Variants in FBXL17 observed in about 807,000 individuals in gnomAD.
FBXL17 encodes F-box and leucine rich repeat protein 17.
In FBXL17, 22 loss-of-function variants were observed where a neutral mutation model predicts 66.2. That is an observed-to-expected ratio of 0.33 (90% confidence interval 0.24 to 0.47). The LOEUF (loss-of-function observed/expected upper bound fraction) is 0.47, where lower values mean the gene tolerates loss of function less well. Ranked by LOEUF, FBXL17 falls within the 20% of genes least tolerant of loss-of-function variation. FBXL17 has a pLI of 1.00. For synonymous variants in FBXL17, 474 were observed against 400.5 expected, an observed-to-expected ratio of 1.18 and a Z score of -2.19; for missense variants, 878 against 948.2, an observed-to-expected ratio of 0.93 and a Z score of 0.97.
intron 1 of FBXL17, among the ~76,000 whole-genome samples, chr5:108,380,345 T>C (rs1050703585): frequency 2.6e-5 from 4 of 152,308 alleles, no homozygotes; most frequent in Middle Eastern, 3.4e-3. Context: ...AACACCAACA[T>C]GCAAAGCCTT....
At chr5:107,994,494 T>C (rs1408278814) in intron 7 of FBXL17, among the ~76,000 whole-genome samples, 1 of 152,104 alleles carries the variant, frequency 6.6e-6, no homozygotes, top group Non-Finnish European at 1.5e-5. Context: ...GAAGATAGCA[T>C]TAAAACTGCA....
intron 7 of FBXL17, among the ~76,000 whole-genome samples, chr5:107,999,412 C>T (rs905416022): frequency 1.9e-4 from 29 of 149,502 alleles, no homozygotes; most frequent in African/African-American, 6.4e-4. Context: ...GTGTGGGATG[C>T]TTTTTTGAAA....
chr5:107,936,430 TA>T (rs1458074803), intron 7 of FBXL17, among the ~76,000 whole-genome samples: 1 of 152,024 alleles, frequency 6.6e-6, no homozygotes, highest in Non-Finnish European at 1.5e-5. Context: ...ATTTACTATT[TA>T]TTTTTTTAAA....
At chr5:108,359,641 C>T (rs995202448) in intron 3 of FBXL17, among the ~76,000 whole-genome samples, 1 of 151,972 alleles carries the variant, frequency 6.6e-6, no homozygotes, top group African/African-American at 2.4e-5. Context: ...AGATTCATTC[C>T]ATTATGGTTA....
At chr5:108,213,321 T>A (rs1244129044) in intron 5 of FBXL17, among the ~76,000 whole-genome samples, 1 of 152,166 alleles carries the variant, frequency 6.6e-6, no homozygotes, top group Non-Finnish European at 1.5e-5. Context: ...TTGCTGGTGT[T>A]CCAGGCCCCA....
At chr5:108,363,321 G>A (rs1748459343) in intron 3 of FBXL17, among the ~76,000 whole-genome samples, 1 of 151,886 alleles carries the variant, frequency 6.6e-6, no homozygotes, top group Non-Finnish European at 1.5e-5. Flanking sequence ...TTCCATCAGA[G>A]GAAAGAGTCT....
At chr5:108,092,737 T>G (rs1331653210) in intron 6 of FBXL17, among the ~76,000 whole-genome samples, 1 of 152,192 alleles carries the variant, frequency 6.6e-6, no homozygotes. Context: ...GCAGCCTTTT[T>G]CAATTACACA....
At chr5:108,282,437 G>A (rs1757737296) in intron 4 of FBXL17, among the ~76,000 whole-genome samples, 1 of 151,822 alleles carries the variant, frequency 6.6e-6, no homozygotes, top group African/African-American at 2.4e-5. Context: ...CTCATTAGAT[G>A]CAGAAAAAGC....
intron 4 of FBXL17, among the ~76,000 whole-genome samples, chr5:108,319,927 G>A (rs934524012): frequency 7.2e-5 from 11 of 151,732 alleles, no homozygotes; most frequent in African/African-American, 2.7e-4. Flanking sequence ...CTGTTTACTA[G>A]GGTCCCGAAA....
intron 3 of FBXL17, among the ~76,000 whole-genome samples, chr5:108,362,318 C>T (rs958667195): frequency 5.9e-5 from 9 of 152,110 alleles, no homozygotes; most frequent in South Asian, 4.1e-4. Context: ...TGTTAAACTG[C>T]TAAAACTGCA....
intron 6 of FBXL17, among the ~76,000 whole-genome samples, chr5:108,174,852 C>T (rs1346037384): frequency 2.0e-5 from 3 of 150,718 alleles, no homozygotes; most frequent in Non-Finnish European, 4.4e-5. Flanking sequence ...CTCACTTCTT[C>T]ACTCAAAGTA....
chr5:108,093,094 T>TC (rs887981239), intron 6 of FBXL17, among the ~76,000 whole-genome samples: 2 of 151,792 alleles, frequency 1.3e-5, no homozygotes, highest in African/African-American at 2.4e-5. Flanking sequence ...ACTCTATCCC[T>TC]CCCCCCATAC....
chr5:108,239,763 C>T (rs2150098490), intron 4 of FBXL17, among the ~76,000 whole-genome samples: 1 of 152,120 alleles, frequency 6.6e-6, no homozygotes, highest in East Asian at 2.0e-4. Context: ...ACCCCTTCCT[C>T]ACCCCTAGGC....
rs778814643 is a variant in FBXL17 at position 107,861,874 on chromosome 5, A to G, written c.1966-14T>C. 3.4e-5 allele frequency: 51 copies of G among 1,505,948 alleles called. 1 individual carries two copies. The South Asian group carries it at 6.8e-4, about 20-fold the overall frequency. The allele number at this position is 1,505,948 out of a possible 1,614,324, so 93.3% of individuals were successfully genotyped here. On this transcript the variant is annotated splice_polypyrimidine_tract_variant and intron_variant, in intron 8 of 8. Coordinates refer to ENST00000542267, the MANE Select transcript of FBXL17 (RefSeq NM_001163315.3). Reference sequence around the variant, plus strand: ...CACTTCGTTGACCTGCAAACAAAGAAGAGTCACCATCACGCACAGAGACCA... The same window carrying G: ...CACTTCGTTGACCTGCAAACAAAGAGGAGTCACCATCACGCACAGAGACCA...
At chr5:108,043,678 G>A (rs372894) in intron 6 of FBXL17, among the ~76,000 whole-genome samples, 23,915 of 152,036 alleles carry the variant, frequency 0.16, 2,279 homozygotes, top group South Asian at 0.42. Flanking sequence ...CAACTTCACT[G>A]TTTTTTAAAA....
chr5:107,914,500 C>A (rs1283981435), intron 7 of FBXL17, among the ~76,000 whole-genome samples: 2 of 152,184 alleles, frequency 1.3e-5, no homozygotes, highest in African/African-American at 2.4e-5. Flanking sequence ...AAGAATCAGG[C>A]CATCCCGAAT....
intron 6 of FBXL17, among the ~76,000 whole-genome samples, chr5:108,058,653 T>G (rs1019597970): frequency 6.6e-6 from 1 of 152,032 alleles, no homozygotes; most frequent in Non-Finnish European, 1.5e-5. Context: ...CCCGGCTAAT[T>G]TTTTGTATTT....
At chr5:107,991,548 C>T (rs1371268177) in intron 7 of FBXL17, among the ~76,000 whole-genome samples, 1 of 152,116 alleles carries the variant, frequency 6.6e-6, no homozygotes, top group Non-Finnish European at 1.5e-5. Flanking sequence ...ATATTTAGAG[C>T]CTATATTGGT....
chr5:108,125,327 T>G (rs906834801), intron 6 of FBXL17, among the ~76,000 whole-genome samples: 8 of 152,006 alleles, frequency 5.3e-5, no homozygotes, highest in African/African-American at 1.9e-4. Context: ...AAGTAAGGGA[T>G]AGTAAACATT....
Sources: allele counts gnomAD v4.1 joint callset (sites outside exome capture counted in the v4.1 genomes callset), GRCh38; gene constraint gnomAD v4.1.1; transcripts MANE v1.5; gene names NCBI Gene and HGNC (gene_info 2026-07-23, HGNC 2026-07-21).